Variants in GHR observed in about 807,000 individuals in gnomAD.
GHR encodes the protein GH receptor.
A neutral mutation model predicts 67.1 loss-of-function variants in GHR; 35 were observed. That is an observed-to-expected ratio of 0.52 (90% confidence interval 0.40 to 0.69). GHR has a LOEUF of 0.69. Ranked by LOEUF, GHR falls within the 30% of genes least tolerant of loss-of-function variation. The pLI is 0.00. For missense variants in GHR, 792 were observed against 764.6 expected (o/e 1.04, Z -0.42); for synonymous variants, 272 against 269.1 (o/e 1.01, Z -0.10).
At chr5:42,672,474 A>C (rs1473080022) in intron 3 of GHR, among the ~76,000 whole-genome samples, 1 of 152,216 alleles carries the variant, frequency 6.6e-6, no homozygotes, top group Non-Finnish European at 1.5e-5. Flanking sequence ...GCACAAGTAC[A>C]GCCATTTAAT....
At chr5:42,540,664 G>A (rs183826687) in intron 1 of GHR, among the ~76,000 whole-genome samples, 88 of 151,774 alleles carry the variant, frequency 5.8e-4, no homozygotes, top group African/African-American at 1.9e-3. Context: ...GTGTGAGTCC[G>A]CCCCTGTCCC....
chr5:42,479,255 A>C (rs1745493521), intron 1 of GHR, among the ~76,000 whole-genome samples: 1 of 152,186 alleles, frequency 6.6e-6, no homozygotes, highest in Non-Finnish European at 1.5e-5. Flanking sequence ...ATGGTGGATA[A>C]GCTTTTTGAT....
intron 2 of GHR, among the ~76,000 whole-genome samples, chr5:42,577,327 T>G (rs1055568347): frequency 6.6e-6 from 1 of 152,244 alleles, no homozygotes; most frequent in African/African-American, 2.4e-5. Flanking sequence ...CCTAGTGTAT[T>G]ATGAATTGAT....
chr5:42,536,612 G>T (rs1002467550), intron 1 of GHR, among the ~76,000 whole-genome samples: 6 of 152,036 alleles, frequency 3.9e-5, no homozygotes, highest in African/African-American at 1.4e-4. Flanking sequence ...CAAGGATATC[G>T]GTCTGTAGTT....
chr5:42,660,585 G>C (rs1487353787), intron 3 of GHR, among the ~76,000 whole-genome samples: 1 of 152,132 alleles, frequency 6.6e-6, no homozygotes, highest in East Asian at 1.9e-4. Flanking sequence ...AAACAGAAAG[G>C]ACATCCACAC....
rs149606752 is a variant in GHR, at chr5:42,520,559, AG to A, written c.-11-45303del. On this transcript the variant is annotated intron_variant, in intron 1 of 9. Transcript: ENST00000230882. Reference sequence around the variant, plus strand: ...TGGAAAATAAACTGGAATGACACTCAGGCACTTGATATCAAGATTATTAGGG... The same window carrying A: ...TGGAAAATAAACTGGAATGACACTCAGCACTTGATATCAAGATTATTAGGG... 6.5e-3 allele frequency among the ~76,000 whole-genome samples: 989 copies of A among 152,316 alleles called. 9 individuals are homozygous for A. Among genetic ancestry groups the A allele is most frequent in the Non-Finnish European group, 0.01 (714 of 68,026 alleles).
chr5:42,672,595 T>G (rs926529303), intron 3 of GHR, among the ~76,000 whole-genome samples: 1 of 152,158 alleles, frequency 6.6e-6, no homozygotes, highest in Admixed American at 6.5e-5. Flanking sequence ...TGATACTGAC[T>G]AGCTATATGT....
At chr5:42,599,363 T>G in intron 2 of GHR, among the ~76,000 whole-genome samples, 1 of 146,102 alleles carries the variant, frequency 6.8e-6, no homozygotes, top group South Asian at 2.2e-4. Context: ...GCACATTTTT[T>G]TTTTTTTTTT....
intron 2 of GHR, chr5:42,619,911 G>A (rs1286113071): frequency 6.6e-6 from 1 of 152,148 alleles, no homozygotes; most frequent in Admixed American, 6.6e-5. Context: ...TAATTCCTGT[G>A]ATTTAAGAGT....
At chr5:42,490,877 AGTGAAGGTTTTAATATTT>A (rs1330941906) in intron 1 of GHR, among the ~76,000 whole-genome samples, 2 of 152,250 alleles carry the variant, frequency 1.3e-5, no homozygotes, top group Non-Finnish European at 2.9e-5. Context: ...CTGAAGGGAA[AGTGAAGGTTTTAATATTT>A]AACTAAGCCT....
At chr5:42,537,782 G>T (rs568491548) in intron 1 of GHR, among the ~76,000 whole-genome samples, 1 of 152,196 alleles carries the variant, frequency 6.6e-6, no homozygotes, top group South Asian at 2.1e-4. Flanking sequence ...TTATTGTGTT[G>T]CTGTTTCTCT....
Position 42,629,119 on chromosome 5 carries a change from C to G in GHR, c.136+16C>G. The G allele has an allele frequency of 8.5e-7, 1 of 1,179,202 alleles. No homozygotes were observed. Among genetic ancestry groups the G allele is most frequent in the Non-Finnish European group, 1.2e-6 (1 of 814,414 alleles). The allele number at this position is 1,179,202 out of a possible 1,614,324, so 73.0% of individuals were successfully genotyped here. On this transcript the variant is annotated intron_variant, in intron 3 of 9. Transcript: ENST00000230882. ...CTAAAGACAAGTAAGAATTTCAGTCCTTTTTCTTCCTTCAATGATATTTTC... is the reference window on the plus strand; with the variant it reads ...CTAAAGACAAGTAAGAATTTCAGTCGTTTTTCTTCCTTCAATGATATTTTC...
intron 1 of GHR, among the ~76,000 whole-genome samples, chr5:42,553,717 C>T (rs1045286468): frequency 1.2e-4 from 19 of 152,110 alleles, no homozygotes; most frequent in African/African-American, 3.6e-4. Context: ...GGTAATCTTG[C>T]GGGGGATCTT....
intron 3 of GHR, among the ~76,000 whole-genome samples, chr5:42,685,376 C>T (rs182774425): frequency 7.2e-5 from 11 of 152,272 alleles, no homozygotes; most frequent in African/African-American, 2.6e-4. Flanking sequence ...CAAGTCCTTG[C>T]TATTGTGAAC....
chr5:42,666,217 G>T (rs1755970256), intron 3 of GHR, among the ~76,000 whole-genome samples: 1 of 143,948 alleles, frequency 6.9e-6, no homozygotes, highest in South Asian at 2.2e-4. Flanking sequence ...CAAATATAAT[G>T]CAAGCTACAT....
intron 1 of GHR, among the ~76,000 whole-genome samples, chr5:42,491,862 T>A (rs1383357908): frequency 6.6e-6 from 1 of 152,146 alleles, no homozygotes; most frequent in East Asian, 1.9e-4. Flanking sequence ...GATGTAGATC[T>A]GGCCAAGGAA....
intron 2 of GHR, among the ~76,000 whole-genome samples, chr5:42,625,574 G>A (rs1753660948): frequency 6.6e-6 from 1 of 152,104 alleles, no homozygotes; most frequent in Non-Finnish European, 1.5e-5. Flanking sequence ...ATATATTTTA[G>A]GGAGGCATAA....
In GHR at chr5:42,445,110, G is replaced by A. The variant is rs140757485; in HGVS notation, c.-12+21155G>A. Among the ~76,000 whole-genome samples, 50 of 152,210 alleles carry A rather than the reference G, an allele frequency of 3.3e-4. 2 individuals are homozygous for A. Among genetic ancestry groups the A allele is most frequent in the African/African-American group, 1.2e-3 (48 of 41,538 alleles). On this transcript the variant is annotated intron_variant, in intron 1 of 9. Transcript: ENST00000230882. ...CTCATTGTCATTTTTAAATTTCATC[G>A]AAGAGCTATACATTGAATTTTTTGT...
chr5:42,571,380 A>T (rs1258113503), intron 2 of GHR, among the ~76,000 whole-genome samples: 15 of 151,852 alleles, frequency 9.9e-5, no homozygotes, highest in Non-Finnish European at 2.9e-5. Flanking sequence ...AAAGGTCTGA[A>T]CTCCCTCCTC....
Sources: allele counts gnomAD v4.1 joint callset (sites outside exome capture counted in the v4.1 genomes callset), GRCh38; gene constraint gnomAD v4.1.1; transcripts MANE v1.5; gene names NCBI Gene and HGNC (gene_info 2026-07-23, HGNC 2026-07-21).